The following LY75 variants were observed in gnomAD, a reference collection of about 807,000 sequenced individuals.
LY75 encodes the protein lymphocyte antigen 75, also known as C-type lectin domain family 13 member B.
Under a neutral mutation model 231.7 loss-of-function variants are expected in LY75, and 185 were observed. That is an observed-to-expected ratio of 0.80 (90% confidence interval 0.71 to 0.90). The LOEUF (loss-of-function observed/expected upper bound fraction) is 0.90. Ranked by LOEUF, LY75 falls within the 40% of genes least tolerant of loss-of-function variation. The pLI, the probability that LY75 is intolerant of heterozygous loss-of-function variation, is 0.00. For missense variants in LY75, 1,947 were observed against 2,050.2 expected, an observed-to-expected ratio of 0.95 and a Z score of 0.97; for synonymous variants, 668 against 689.0, an observed-to-expected ratio of 0.97 and a Z score of 0.48.
At chr2:159,850,589 A>G (rs2125853915) in intron 21 of LY75, 122 bp from the exon 22 acceptor site, 1 of 1,204,036 alleles carries the variant, frequency 8.3e-7, no homozygotes, top group Non-Finnish European at 1.1e-6. Flanking sequence ...GGTAATTTGC[A>G]ATGTAGTACC....
chr2:159,811,366 T>A lies in LY75; in HGVS notation c.4550-691A>T, dbSNP rs191451915. Among the ~76,000 whole-genome samples, 10 of 152,310 alleles carry A rather than the reference T, an allele frequency of 6.6e-5. No individual in the cohort carries two copies. In the East Asian group the frequency reaches 1.5e-3, roughly 23 times the overall value. On this transcript the variant is annotated intron_variant, in intron 31 of 34. Coordinates refer to ENST00000263636, the MANE Select transcript of LY75 (RefSeq NM_002349.4). ...AAATGCCCCTGGTTTCCATTTAAAT[T>A]GATTTTTAATTGTGCTGAGTAACAG...
chr2:159,835,974 C>T (rs1265640473), intron 25 of LY75, among the ~76,000 whole-genome samples: 4 of 152,150 alleles, frequency 2.6e-5, no homozygotes, highest in Non-Finnish European at 4.4e-5. Flanking sequence ...GAGTCTATGT[C>T]CTAACCATTA....
At chr2:159,866,464 A>G (rs1381667416) in intron 13 of LY75, among the ~76,000 whole-genome samples, 1 of 152,110 alleles carries the variant, frequency 6.6e-6, no homozygotes, top group Non-Finnish European at 1.5e-5. Context: ...GTTTTCTTTC[A>G]TAGAGACAGA....
chr2:159,887,960 T>G (rs1359177615), intron 4 of LY75, among the ~76,000 whole-genome samples: 3 of 152,164 alleles, frequency 2.0e-5, no homozygotes, highest in Non-Finnish European at 2.9e-5. Context: ...TTATCGGCAC[T>G]TTTCATTCGC....
In LY75 at chr2:159,854,478, A is replaced by G; in HGVS notation, c.2477T>C (p.Val826Ala). 6.2e-7 allele frequency: 1 copy of G among 1,613,732 alleles called. No individual in the cohort carries two copies. The change falls in exon 18 of 35, where the codon GTT becomes GCT. Residue 826 changes from valine to alanine, a missense_variant. By Grantham distance (64) the Val-to-Ala change is moderately conservative. Transcript: ENST00000263636. ...TTCATAGTTTAGGTGAAGATCAGCA[A>G]CAAACCAATATTCACTTCCTTCAAT... ...LIIEGSEYWF[V>A]ADLHLNYEEA... is the part of the protein sequence containing the mutation.
At chr2:159,808,721 TTA>T in intron 32 of LY75, 150 bp from the exon 33 acceptor site, 1 of 1,187,354 alleles carries the variant, frequency 8.4e-7, no homozygotes, top group Non-Finnish European at 1.1e-6. Flanking sequence ...AAACTGGTAT[TTA>T]GGTCAAAATT....
intron 2 of LY75, among the ~76,000 whole-genome samples, chr2:159,898,271 C>G (rs1043738355): frequency 6.6e-6 from 1 of 151,988 alleles, no homozygotes; most frequent in Non-Finnish European, 1.5e-5. Context: ...TGCACCACTA[C>G]GCCTGACCTT....
intron 32 of LY75, among the ~76,000 whole-genome samples, chr2:159,810,206 G>A (rs5023988): frequency 0.062 from 9,442 of 151,910 alleles, 374 homozygotes; most frequent in Non-Finnish European, 0.089. Context: ...GCTAATTTTT[G>A]TATTTTTAGT....
At position 159,807,070 on chromosome 2, in the gene LY75, A is replaced by C; in HGVS notation, c.4893T>G (p.Gly1631=). 1.2e-6 allele frequency: 2 copies of C among 1,613,908 alleles called. No homozygotes were observed. Among genetic ancestry groups the C allele is most frequent in the Non-Finnish European group, 8.5e-7 (1 of 1,179,912 alleles). ...CTATCAACATGCTACATCTTCCAAC[A>C]CCACTCTTACTTTTATTTTCCCATT... ...FVKWENKSKS[G]VGRCSMLIAS... Residue 1631 remains glycine (G), a synonymous_variant, in exon 34 of 35, where the codon GGT becomes GGG. Coordinates refer to ENST00000263636, the MANE Select transcript of LY75 (RefSeq NM_002349.4).
chr2:159,859,423 A>G (rs1306399331), intron 15 of LY75, among the ~76,000 whole-genome samples: 1 of 152,092 alleles, frequency 6.6e-6, no homozygotes, highest in Non-Finnish European at 1.5e-5. Flanking sequence ...TGTCTCCTCC[A>G]TCTTCATCTT....
intron 34 of LY75, 71 bp downstream of exon 34, chr2:159,806,902 C>T: frequency 6.7e-7 from 1 of 1,496,870 alleles, no homozygotes; most frequent in East Asian, 2.3e-5. Flanking sequence ...GAATTTTGTA[C>T]ATAATTGGAT....
rs191103817 is a variant in LY75 at position 159,853,416 on chromosome 2, A to C, written c.2664-64T>G. ...TTAGGTGTTCCATTTTTTTCTTTTTACTGTAAGTTATTTTATTTCTAAATT... is the reference window on the plus strand; with the variant it reads ...TTAGGTGTTCCATTTTTTTCTTTTTCCTGTAAGTTATTTTATTTCTAAATT... On this transcript the variant is annotated intron_variant, in intron 19 of 34. Coordinates refer to ENST00000263636, the MANE Select transcript of LY75 (RefSeq NM_002349.4). 356 of 1,565,996 alleles carry C rather than the reference A, an allele frequency of 2.3e-4. 1 individual carries two copies. The African/African-American group carries it at 4.3e-3, about 19-fold the overall frequency.
intron 21 of LY75, among the ~76,000 whole-genome samples, chr2:159,850,990 T>A (rs1684385921): frequency 1.3e-5 from 2 of 151,424 alleles, no homozygotes; most frequent in Non-Finnish European, 2.9e-5. Flanking sequence ...AATAACTTCA[T>A]CCATAAGTGA....
chr2:159,807,247 A>G (rs554888629), intron 33 of LY75, 107 bp from the exon 34 acceptor site: 1 of 1,252,344 alleles, frequency 8.0e-7, no homozygotes, highest in Admixed American at 2.7e-5. Context: ...TATGAGAGCC[A>G]CTTGTTAAAA....
At chr2:159,881,422 A>C (rs1685433189) in intron 7 of LY75, among the ~76,000 whole-genome samples, 182 bp from the exon 8 acceptor site, 1 of 152,220 alleles carries the variant, frequency 6.6e-6, no homozygotes, top group South Asian at 2.1e-4. Flanking sequence ...CAAGTAACTT[A>C]TGCAAGTAAA....
Position 159,891,980 on chromosome 2 carries a change from T to A in LY75, c.638-1603A>T, listed in dbSNP as rs552790056. Among the ~76,000 whole-genome samples, 16 of 152,314 alleles carry A rather than the reference T, an allele frequency of 1.1e-4. 1 individual carries two copies. Among genetic ancestry groups the A allele is most frequent in the African/African-American group, 3.6e-4 (15 of 41,576 alleles). ...AATTATAGCTGAAGAAAATACTGGC[T>A]TTTTCTATTTTAGTAGGTAGGTTAC... On this transcript the variant is annotated intron_variant, in intron 3 of 34. Coordinates refer to ENST00000263636, the MANE Select transcript of LY75 (RefSeq NM_002349.4).
intron 28 of LY75, 56 bp from the exon 29 acceptor site, chr2:159,819,976 A>T: frequency 6.8e-7 from 1 of 1,468,998 alleles, no homozygotes; most frequent in Non-Finnish European, 9.1e-7. Flanking sequence ...CTTGAATTAC[A>T]CTTATACAGT....
chr2:159,854,400 G>A lies in LY75; in HGVS notation c.2555C>T (p.Ser852Phe). ...SNHSFLATIT[S>F]FVGLKAIKNK... ...TTTGATGGCTTTTAGTCCCACAAAAGATGTTATAGTTGCAAGAAAGCTGTG... is the reference window on the plus strand; with the variant it reads ...TTTGATGGCTTTTAGTCCCACAAAAAATGTTATAGTTGCAAGAAAGCTGTG... The change falls in exon 18 of 35, where the codon TCT (serine) becomes TTT (phenylalanine). Residue 852 changes from serine (S) to phenylalanine (F), a missense_variant. Coordinates refer to ENST00000263636, the MANE Select transcript of LY75 (RefSeq NM_002349.4). 1 of 1,528,602 alleles carries A rather than the reference G, an allele frequency of 6.5e-7. No homozygotes were observed. Among genetic ancestry groups the A allele is most frequent in the East Asian group, 2.3e-5 (1 of 42,866 alleles). The allele number at this position is 1,528,602 out of a possible 1,614,324, so 94.7% of individuals were successfully genotyped here. A position where few individuals can be genotyped will look rare whatever the true frequency, so the allele number is the denominator to read the frequency against.
chr2:159,888,872 G>A (rs138718964), intron 4 of LY75, among the ~76,000 whole-genome samples: 32 of 152,216 alleles, frequency 2.1e-4, no homozygotes, highest in African/African-American at 6.3e-4. Flanking sequence ...TCTGAGCCTC[G>A]CATTCCTCAT....
Sources: gnomAD v4.1 joint callset for allele counts (sites outside exome capture counted in the v4.1 genomes callset) on GRCh38, gnomAD v4.1.1 for gene constraint, MANE v1.5 for transcripts, NCBI Gene and HGNC (gene_info 2026-07-23, HGNC 2026-07-21) for gene names.